The following BOD1L1 variants were observed in gnomAD, a reference collection of about 807,000 sequenced individuals.
The protein encoded by BOD1L1 is biorientation of chromosomes in cell division protein 1-like 1.
BOD1L1 carries 86 observed loss-of-function variants against 240.7 expected under a neutral mutation model. That is an observed-to-expected ratio of 0.36 (90% CI 0.30 to 0.43). BOD1L1 has a LOEUF of 0.43. Ranked by LOEUF, BOD1L1 falls within the 20% of genes least tolerant of loss-of-function variation. The probability of loss-of-function intolerance (pLI) is 1.00; values close to 1 mark genes in which losing one functional copy is unlikely to be tolerated. For synonymous variants in BOD1L1, 1,268 were observed against 1,272.3 expected, an observed-to-expected ratio of 1.00 and a Z score of 0.07; for missense variants, 3,554 against 3,643.5, an observed-to-expected ratio of 0.98 and a Z score of 0.63.
At chr4:13,579,271 C>T (rs1482918743) in intron 22 of BOD1L1, among the ~76,000 whole-genome samples, 1 of 152,088 alleles carries the variant, frequency 6.6e-6, no homozygotes, top group Non-Finnish European at 1.5e-5. Flanking sequence ...CAAAATACTA[C>T]AAAATTATTA....
chr4:13,569,895 G>T lies in BOD1L1; in HGVS notation c.*116C>A. On this transcript the variant is annotated 3_prime_UTR_variant, in exon 26 of 26. Transcript: ENST00000040738. The stretch of plus-strand genomic sequence containing the variant: ...TAACAAGAAAAAGCTTGCACCTAGG[G>T]ACTTACAGCACATGCATATCTTTTT... The T allele has an allele frequency of 1.6e-6, 1 of 611,744 alleles. No homozygotes were observed. The highest frequency in any genetic ancestry group is 2.6e-6 in the Non-Finnish European group (1 of 387,730). The allele number at this position is 611,744 out of a possible 1,614,324, so 37.9% of individuals were successfully genotyped here.
chr4:13,578,103 A>C (rs1712915447), intron 22 of BOD1L1: 2 of 155,176 alleles, frequency 1.3e-5, no homozygotes, highest in Non-Finnish European at 2.8e-5. Flanking sequence ...ACGGGGTTTC[A>C]CCATGTTGGC....
chr4:13,574,764 A>G (rs1304354447), intron 25 of BOD1L1, among the ~76,000 whole-genome samples: 1 of 152,210 alleles, frequency 6.6e-6, no homozygotes, highest in Admixed American at 6.5e-5. Flanking sequence ...AAAAAAACAA[A>G]TATGAGACCA....
intron 25 of BOD1L1, 121 bp downstream of exon 25, chr4:13,576,717 G>T: frequency 7.8e-7 from 1 of 1,286,882 alleles, no homozygotes; most frequent in Non-Finnish European, 1.1e-6. Flanking sequence ...AAAAATGAAA[G>T]GGAAGAACTT....
rs1410931544 is a variant in BOD1L1, at chr4:13,577,562, A to G, written c.8799+20T>C. The G allele has an allele frequency of 2.5e-6, 4 of 1,583,548 alleles. No individual in the cohort carries two copies. Among genetic ancestry groups the G allele is most frequent in the Non-Finnish European group, 3.4e-6 (4 of 1,161,072 alleles). ...GTTGATTTCTAAACAACATATCTTG[A>G]TAAGAAATTTAACACTTACATTGCT... is the stretch of plus-strand genomic sequence containing the variant. On this transcript the variant is annotated intron_variant, in intron 23 of 25. Transcript: ENST00000040738.
intron 1 of BOD1L1, among the ~76,000 whole-genome samples, chr4:13,622,557 A>G (rs896047505): frequency 3.9e-5 from 6 of 152,316 alleles, no homozygotes; most frequent in Admixed American, 2.0e-4. Context: ...TCTACTTCAC[A>G]TGCATACTAT....
rs370469510 is a variant in BOD1L1 at position 13,604,766 on chromosome 4, G to A, written c.2134C>T (p.His712Tyr). 2 of 1,613,366 alleles carry A rather than the reference G, an allele frequency of 1.2e-6. No individual in the cohort carries two copies. Among genetic ancestry groups the A allele is most frequent in the Non-Finnish European group, 1.7e-6 (2 of 1,179,672 alleles). Reference protein sequence around the residue: ...HLKKDDSETPHLKSLLKKEVK... With the variant: ...HLKKDDSETPYLKSLLKKEVK... ...TCTTTCTTAAGTAGGCTTTTCAAAT[G>A]TGGTGTTTCAGAATCATCTTTCTTT... The change falls in exon 10 of 26, where the codon CAT becomes TAT. Residue 712 changes from histidine (H) to tyrosine (Y), a missense_variant. Around this residue, in one of 2 missense-constraint regions of BOD1L1, gnomAD observed 3,393 missense variants for 3,427.1 expected, o/e 0.99. Transcript: ENST00000040738.
At chr4:13,572,908 A>AG in intron 25 of BOD1L1, 1 of 1,227,000 alleles carries the variant, frequency 8.1e-7, no homozygotes, top group East Asian at 5.7e-5. Context: ...GGAACTCTGT[A>AG]GGAAGTATGA....
At chr4:13,594,619 G>A (rs555863581) in intron 12 of BOD1L1, among the ~76,000 whole-genome samples, 2 of 152,304 alleles carry the variant, frequency 1.3e-5, no homozygotes, top group East Asian at 3.9e-4. Context: ...GAGCGCAGTG[G>A]CTTTCAGTGG....
rs368476905 is a variant in BOD1L1, at chr4:13,602,383, G to C, written c.4517C>G (p.Ala1506Gly). ...CTTTTCTGCTCTCCTAGGCCCAGTT[G>C]CCACATCCTCAGTTTGTCCGTTCCT... Reference protein sequence around the residue: ...HQRNGQTEDVATGPRRAEKTS... With the variant: ...HQRNGQTEDVGTGPRRAEKTS... Residue 1506 changes from alanine (A) to glycine (G), a missense_variant, in exon 10 of 26, where the codon GCA becomes GGA. By Grantham distance (60) the Ala-to-Gly change is moderately conservative (BLOSUM62 0). This residue lies in a region of BOD1L1 where 3,393 missense variants were observed against 3,427.1 expected (regional missense o/e 0.99). Coordinates refer to ENST00000040738, the MANE Select transcript of BOD1L1 (RefSeq NM_148894.3). 1 of 1,613,898 alleles carries C rather than the reference G, an allele frequency of 6.2e-7. No individual in the cohort carries two copies. The highest frequency in any genetic ancestry group is 1.7e-5 in the Admixed American group (1 of 60,022).
chr4:13,602,166 T>C lies in BOD1L1; in HGVS notation c.4734A>G (p.Ala1578=). The part of the protein sequence containing the change: ...HSRNNPLHVG[A]EASECTVFAA... The stretch of plus-strand genomic sequence containing the variant: ...CAAAAACAGTGCATTCACTGGCTTC[T>C]GCACCAACATGAAGAGGATTATTTC... The change falls in exon 10 of 26, where the codon GCA becomes GCG. Residue 1578 remains alanine (A), a synonymous_variant. Transcript: ENST00000040738. The C allele has an allele frequency of 6.2e-7, 1 of 1,613,966 alleles. No individual in the cohort carries two copies. Among genetic ancestry groups the C allele is most frequent in the Non-Finnish European group, 8.5e-7 (1 of 1,179,850 alleles).
At chr4:13,589,528 G>C (rs1286784875) in intron 14 of BOD1L1, among the ~76,000 whole-genome samples, 2 of 152,156 alleles carry the variant, frequency 1.3e-5, no homozygotes, top group Non-Finnish European at 2.9e-5. Context: ...AAGGTGGGGA[G>C]GGTTTATGTA....
intron 21 of BOD1L1, 141 bp from the exon 22 acceptor site, chr4:13,580,114 T>G (rs1466352009): frequency 1.7e-6 from 1 of 605,118 alleles, no homozygotes; most frequent in Non-Finnish European, 2.9e-6. Flanking sequence ...TGTAATTGAT[T>G]AAGTATACCT....
At chr4:13,591,459 C>T (rs1714208618) in intron 13 of BOD1L1, among the ~76,000 whole-genome samples, 1 of 152,118 alleles carries the variant, frequency 6.6e-6, no homozygotes, top group South Asian at 2.1e-4. Context: ...CTTATAAATA[C>T]ATTAAGACAG....
intron 12 of BOD1L1, among the ~76,000 whole-genome samples, chr4:13,595,578 T>C (rs1714553219): frequency 6.6e-6 from 1 of 152,222 alleles, no homozygotes; most frequent in Non-Finnish European, 1.5e-5. Flanking sequence ...ATTTCTGGGA[T>C]AGAGCAAGAG....
intron 14 of BOD1L1, among the ~76,000 whole-genome samples, chr4:13,590,078 C>A (rs1477999823): frequency 6.6e-6 from 1 of 152,192 alleles, no homozygotes; most frequent in Non-Finnish European, 1.5e-5. Context: ...TACTTGCAAT[C>A]CACAGGGGGC....
In BOD1L1 at chr4:13,591,953, C is replaced by A; in HGVS notation, c.8118G>T (p.Arg2706Ser). Residue 2706 changes from arginine to serine, a missense_variant, in exon 13 of 26, where the codon AGG becomes AGT. By Grantham distance (110) the Arg-to-Ser change is moderately radical. Transcript: ENST00000040738. ...GTGATTCATTCACCAACAAAGGCTC[C>A]CTCTGGAGTTCAGCTGTTCAAAAAT... ...GKPSGIAELQ[R>S]EPLLVNESLN... 1 of 1,561,340 alleles carries A rather than the reference C, an allele frequency of 6.4e-7. No homozygotes were observed. Among genetic ancestry groups the A allele is most frequent in the Non-Finnish European group, 8.7e-7 (1 of 1,152,444 alleles).
intron 10 of BOD1L1, 138 bp from the exon 11 acceptor site, chr4:13,597,306 A>G: frequency 1.5e-6 from 1 of 655,866 alleles, no homozygotes; most frequent in Admixed American, 2.6e-5. Flanking sequence ...TCAGTAGAAA[A>G]TGATCAAAAG....
chr4:13,609,336 T>G lies in BOD1L1; in HGVS notation c.1562A>C (p.Gln521Pro). 6.4e-7 allele frequency: 1 copy of G among 1,559,424 alleles called. No homozygotes were observed. Among genetic ancestry groups the G allele is most frequent in the South Asian group, 1.2e-5 (1 of 80,554 alleles). The change falls in exon 7 of 26, where the codon CAG (glutamine) becomes CCG (proline). Residue 521 changes from glutamine to proline, a missense_variant. Physicochemically the swap from Gln to Pro is moderately conservative, Grantham distance 76. This residue lies in a region of BOD1L1 where 3,393 missense variants were observed against 3,427.1 expected (regional missense o/e 0.99). Transcript: ENST00000040738. ...TGAAGACTTTGTCTTTTCTGCTTTCTGTTTTCGTTTTTCTTCAAGTTTTTC... is the reference window on the plus strand; with the variant it reads ...TGAAGACTTTGTCTTTTCTGCTTTCGGTTTTCGTTTTTCTTCAAGTTTTTC... ...NREKLEEKRK[Q>P]KAEKTKSSKT...
Sources: gnomAD v4.1 joint callset for allele counts (sites outside exome capture counted in the v4.1 genomes callset) on GRCh38, gnomAD v4.1.1 for gene constraint, gnomAD v4.1.1 regional missense constraint, MANE v1.5 for transcripts, NCBI Gene and HGNC (gene_info 2026-07-23, HGNC 2026-07-21) for gene names.